CTDP1: variants seen among roughly 807,000 people sequenced by gnomAD.
CTDP1 encodes the protein CTD phosphatase 1.
A neutral mutation model predicts 91.8 loss-of-function variants in CTDP1; 47 were observed. That is an observed-to-expected ratio of 0.51 (90% CI 0.41 to 0.65). CTDP1 has a LOEUF of 0.65. Among genes scored for constraint, CTDP1 ranks in the 30% least tolerant of loss-of-function variants. The probability of loss-of-function intolerance (pLI) is 0.00; values close to 1 mark genes in which losing one functional copy is unlikely to be tolerated. For synonymous variants in CTDP1, 656 were observed against 598.5 expected (o/e 1.10, Z -1.40); for missense variants, 1,272 against 1,373.7 (o/e 0.93, Z 1.17).
At chr18:79,742,981 A>T (rs867888324) in intron 12 of CTDP1, among the ~76,000 whole-genome samples, 1 of 152,210 alleles carries the variant, frequency 6.6e-6, no homozygotes, top group Non-Finnish European at 1.5e-5. Context: ...AACTCTTTGT[A>T]CCTAATTGTA....
chr18:79,699,291 C>T (rs2085808592), intron 4 of CTDP1, among the ~76,000 whole-genome samples: 1 of 152,132 alleles, frequency 6.6e-6, no homozygotes, highest in East Asian at 1.9e-4. Flanking sequence ...GACAGAGCCT[C>T]ACTCTGTCAC....
In CTDP1 at chr18:79,680,180, G is replaced by A; in HGVS notation, c.233G>A (p.Arg78Gln). 1 of 1,382,098 alleles carries A rather than the reference G, an allele frequency of 7.2e-7. No homozygotes were observed. Among genetic ancestry groups the A allele is most frequent in the Non-Finnish European group, 9.3e-7 (1 of 1,073,918 alleles). 85.6% of individuals were successfully genotyped at this position (1,382,098 alleles called of 1,614,324 possible). A position where few individuals can be genotyped will look rare whatever the true frequency, so the allele number is the denominator to read the frequency against. ...VASGGCVRPARPERRLRSERA... is the reference protein window; with the variant it reads ...VASGGCVRPAQPERRLRSERA... Reference sequence around the variant, plus strand: ...TCCGGGGGCTGCGTGCGCCCCGCGCGGCCGGAACGCAGGCTGAGGTCGGAG... The same window carrying A: ...TCCGGGGGCTGCGTGCGCCCCGCGCAGCCGGAACGCAGGCTGAGGTCGGAG... Residue 78 changes from arginine (R) to glutamine (Q), a missense_variant, in exon 1 of 13, where the codon CGG becomes CAG. Physicochemically the swap from Arg to Gln is conservative, Grantham distance 43. Transcript: ENST00000613122.
At chr18:79,716,570 C>A (rs1299687168) in intron 8 of CTDP1, among the ~76,000 whole-genome samples, 2 of 152,154 alleles carry the variant, frequency 1.3e-5, no homozygotes, top group Non-Finnish European at 2.9e-5. Flanking sequence ...GGAGCCGGGC[C>A]AGGCCGGGGT....
chr18:79,743,023 A>G (rs1265022700), intron 12 of CTDP1, among the ~76,000 whole-genome samples: 1 of 152,206 alleles, frequency 6.6e-6, no homozygotes, highest in African/African-American at 2.4e-5. Context: ...GAGATGTAAC[A>G]TTTGCCAGTA....
intron 8 of CTDP1, among the ~76,000 whole-genome samples, chr18:79,717,090 G>GGTA (rs1229437381): frequency 6.7e-6 from 1 of 150,048 alleles, no homozygotes; most frequent in African/African-American, 2.5e-5. Context: ...GAGCCCTGGT[G>GGTA]GGCTGCAGCC....
chr18:79,688,607 C>T (rs1342681477), intron 1 of CTDP1, among the ~76,000 whole-genome samples: 1 of 152,002 alleles, frequency 6.6e-6, no homozygotes, highest in Non-Finnish European at 1.5e-5. Context: ...ACCATGTTGG[C>T]CAGGCTCATC....
At position 79,753,745 on chromosome 18, in the gene CTDP1, C is replaced by T. The variant is rs149343661; in HGVS notation, c.2841C>T (p.Asp947=). ...ATGAGGGCAGCAGCTCCGAGGCCGA[C>T]GAGATGGCCAAGGCGCTGGAGGCGG... is the stretch of plus-strand genomic sequence containing the variant. ...NEDEGSSSEA[D]EMAKALEAEL... Residue 947 remains aspartate (D), a synonymous_variant, in exon 13 of 13, where the codon GAC becomes GAT. Coordinates refer to ENST00000613122, the MANE Select transcript of CTDP1 (RefSeq NM_004715.5). 27 of 1,613,836 alleles carry T rather than the reference C, an allele frequency of 1.7e-5. No homozygotes were observed. The African/African-American group carries it at 2.5e-4, about 15-fold the overall frequency.
intron 12 of CTDP1, among the ~76,000 whole-genome samples, chr18:79,749,550 C>T (rs1431430746): frequency 2.6e-5 from 4 of 151,070 alleles, no homozygotes; most frequent in East Asian, 3.9e-4. Flanking sequence ...ACTTGGTGAC[C>T]GTCCCGAGCT....
At chr18:79,703,209 T>C (rs1300675016) in intron 4 of CTDP1, 1 of 152,162 alleles carries the variant, frequency 6.6e-6, no homozygotes, top group Non-Finnish European at 1.5e-5. Context: ...GCTAGAAAAA[T>C]GTAACTGGGA....
At position 79,680,258 on chromosome 18, in the gene CTDP1, CA is replaced by C; in HGVS notation, c.312del (p.Gly105GlufsTer5). 7.7e-7 allele frequency: 1 copy of C among 1,290,812 alleles called. No homozygotes were observed. The highest frequency in any genetic ancestry group is 9.8e-7 in the Non-Finnish European group (1 of 1,023,380). 80.0% of individuals were successfully genotyped at this position (1,290,812 alleles called of 1,614,324 possible). A position where few individuals can be genotyped will look rare whatever the true frequency, so the allele number is the denominator to read the frequency against. On this transcript the variant is annotated frameshift_variant and splice_region_variant, in exon 1 of 13. Transcript: ENST00000613122. LOFTEE classifies it high-confidence loss of function. Reference protein sequence around the residue: ...LCAQPGQVVAPGAVLVRLEGC... With the variant: ...LCAQPGQVVAXGAVLVRLEGC... ...GCGCAGCCGGGCCAGGTGGTCGCCC[CA>C]GGGTGAGTGTGCTGAGCCGGGCGGG...
At chr18:79,704,692 T>C in intron 4 of CTDP1, 75 bp from the exon 5 acceptor site, 2 of 1,587,392 alleles carry the variant, frequency 1.3e-6, no homozygotes, top group South Asian at 2.2e-5. Flanking sequence ...GATGCCTGTC[T>C]CGGGCACACA....
intron 4 of CTDP1, among the ~76,000 whole-genome samples, chr18:79,699,174 A>G (rs1215568654): frequency 6.6e-6 from 1 of 152,120 alleles, no homozygotes; most frequent in African/African-American, 2.4e-5. Context: ...CATCTTACAC[A>G]GCAGTCTATT....
chr18:79,730,400 G>A (rs879311765), intron 11 of CTDP1, among the ~76,000 whole-genome samples: 6 of 152,248 alleles, frequency 3.9e-5, no homozygotes, highest in East Asian at 1.9e-4. Flanking sequence ...CTGGTCGGGC[G>A]TGGAGGACTC....
At chr18:79,683,980 C>T (rs2085430438) in intron 1 of CTDP1, among the ~76,000 whole-genome samples, 1 of 152,236 alleles carries the variant, frequency 6.6e-6, no homozygotes, top group Admixed American at 6.5e-5. Flanking sequence ...TATAAAAATA[C>T]TTATTTTTCA....
intron 11 of CTDP1, among the ~76,000 whole-genome samples, chr18:79,733,857 G>A (rs577487902): frequency 3.9e-4 from 59 of 152,222 alleles, no homozygotes; most frequent in African/African-American, 1.4e-3. Flanking sequence ...GGATACCGTA[G>A]CATCTGCTGT....
At position 79,753,465 on chromosome 18, in the gene CTDP1, G is replaced by A. The variant is rs8086389; in HGVS notation, c.2748-187G>A. Reference sequence around the variant, plus strand: ...ACAGGGCTGGGGCCTCTTCTCCTGCGCTGGGGCTCTGCTGTCCACACGTGT... The same window carrying A: ...ACAGGGCTGGGGCCTCTTCTCCTGCACTGGGGCTCTGCTGTCCACACGTGT... On this transcript the variant is annotated intron_variant, in intron 12 of 12. Coordinates refer to ENST00000613122, the MANE Select transcript of CTDP1 (RefSeq NM_004715.5). 0.17 allele frequency among the ~76,000 whole-genome samples: 26,612 copies of A among 152,228 alleles called. 2,666 individuals are homozygous for A. Among genetic ancestry groups the A allele is most frequent in the Non-Finnish European group, 0.24 (16,135 of 68,018 alleles).
chr18:79,679,841 C>T lies in CTDP1; in HGVS notation c.-107C>T, dbSNP rs1372125187. On this transcript the variant is annotated 5_prime_UTR_variant, in exon 1 of 13. Transcript: ENST00000613122. The stretch of plus-strand genomic sequence containing the variant: ...CTAGGCGACGGGTGGAAGCCGGTAC[C>T]GAGAGGAACTACAGCGTCGCCGCCT... 12 of 1,101,940 alleles carry T rather than the reference C, an allele frequency of 1.1e-5. No homozygotes were observed. The African/African-American group carries it at 1.2e-4, about 11-fold the overall frequency. 68.3% of individuals were successfully genotyped at this position (1,101,940 alleles called of 1,614,324 possible).
chr18:79,740,130 A>G lies in CTDP1; in HGVS notation c.2747+3609A>G, dbSNP rs77318704. 2.4e-4 allele frequency among the ~76,000 whole-genome samples: 12 copies of G among 49,044 alleles called. No individual in the cohort carries two copies. In the East Asian group the frequency reaches 3.2e-3, roughly 13 times the overall value. 32.2% of individuals were successfully genotyped at this position (49,044 alleles called of 152,430 possible). A position where few individuals can be genotyped will look rare whatever the true frequency, so the allele number is the denominator to read the frequency against. Reference sequence around the variant, plus strand: ...CGGGACGGGTGGGACTCTCATACCCACGGCCGGGACGGGTGGGACTCTCAT... The same window carrying G: ...CGGGACGGGTGGGACTCTCATACCCGCGGCCGGGACGGGTGGGACTCTCAT... On this transcript the variant is annotated intron_variant, in intron 12 of 12. Coordinates refer to ENST00000613122, the MANE Select transcript of CTDP1 (RefSeq NM_004715.5).
chr18:79,707,019 T>G (rs1189640558), intron 5 of CTDP1, among the ~76,000 whole-genome samples: 4 of 152,278 alleles, frequency 2.6e-5, no homozygotes, highest in African/African-American at 9.6e-5. Context: ...AAGCTGGGCT[T>G]CTTTAGGTTC....
Sources: allele counts gnomAD v4.1 joint callset (sites outside exome capture counted in the v4.1 genomes callset), GRCh38; gene constraint gnomAD v4.1.1; transcripts MANE v1.5; gene names NCBI Gene and HGNC (gene_info 2026-07-23, HGNC 2026-07-21).